The following SPATA9 variants were observed in gnomAD, a reference collection of about 807,000 sequenced individuals.
SPATA9 encodes the protein spermatogenesis-associated protein 9.
Under a neutral mutation model 25.5 loss-of-function variants are expected in SPATA9, and 27 were observed. The observed-to-expected ratio is 1.06, with a 90% confidence interval of 0.78 to 1.46. SPATA9 has a LOEUF of 1.46. Among genes scored for constraint, SPATA9 ranks in the 40% most tolerant of loss-of-function variants. The pLI is 0.00. For missense variants in SPATA9, 282 were observed against 297.5 expected (o/e 0.95, Z 0.38); for synonymous variants, 102 against 105.7 (o/e 0.97, Z 0.21).
the SPATA9 span, among the ~76,000 whole-genome samples, chr5:95,717,371 C>G: frequency 6.6e-6 from 1 of 152,160 alleles, no homozygotes; most frequent in Non-Finnish European, 1.5e-5. Flanking sequence ...CTCTCTGTCT[C>G]TCTCTCAATA....
chr5:95,702,060 C>A (rs139243397), upstream of SPATA9, among the ~76,000 whole-genome samples: 1 of 152,090 alleles, frequency 6.6e-6, no homozygotes, highest in Non-Finnish European at 1.5e-5. Flanking sequence ...TTTCATGATA[C>A]CAAAATTCTC....
chr5:95,653,296 T>C, intron 8 of SPATA9: 1 of 1,530,612 alleles, frequency 6.5e-7, no homozygotes, highest in East Asian at 2.5e-5. Context: ...GAGCCAACTG[T>C]GTACTCCAGG....
At chr5:95,683,443 T>C (rs1324557104), upstream of SPATA9, among the ~76,000 whole-genome samples, 1 of 152,210 alleles carries the variant, frequency 6.6e-6, no homozygotes, top group Non-Finnish European at 1.5e-5. Flanking sequence ...TACCCTCACA[T>C]GTCAGATGAC....
intron 4 of SPATA9, chr5:95,659,427 T>C (rs1270568503): frequency 6.5e-6 from 1 of 152,812 alleles, no homozygotes; most frequent in African/African-American, 2.4e-5. Flanking sequence ...CTCAGTACTT[T>C]AAGGAGAGGA....
chr5:95,712,814 T>C, the SPATA9 span, among the ~76,000 whole-genome samples: 2 of 152,216 alleles, frequency 1.3e-5, no homozygotes, highest in Non-Finnish European at 2.9e-5. Flanking sequence ...TTTAAGCCCC[T>C]AAACTTTAGG....
upstream of SPATA9, among the ~76,000 whole-genome samples, chr5:95,686,440 T>TA (rs530274577): frequency 3.9e-3 from 585 of 148,828 alleles, 3 homozygotes; most frequent in African/African-American, 0.013. Flanking sequence ...ACCTCCAAGT[T>TA]AAAAAAAAAA....
chr5:95,731,779 C>T, the SPATA9 span: 4 of 1,603,080 alleles, frequency 2.5e-6, no homozygotes, highest in African/African-American at 1.3e-5. Flanking sequence ...CGCGCGCTGT[C>T]CCCCGCACTT....
upstream of SPATA9, among the ~76,000 whole-genome samples, chr5:95,701,041 T>C (rs148670750): frequency 5.0e-3 from 766 of 152,334 alleles, 3 homozygotes; most frequent in African/African-American, 0.012. Flanking sequence ...GCCACAAAGA[T>C]TTTTAAAATA....
intron 2 of SPATA9, among the ~76,000 whole-genome samples, chr5:95,677,882 T>C (rs1388514279): frequency 6.6e-6 from 1 of 152,244 alleles, no homozygotes; most frequent in Non-Finnish European, 1.5e-5. Context: ...ATTTTTTAGA[T>C]ACCCAATTGT....
the SPATA9 span, among the ~76,000 whole-genome samples, chr5:95,727,365 T>G: frequency 6.6e-6 from 1 of 152,204 alleles, no homozygotes; most frequent in South Asian, 2.1e-4. Context: ...TCTCCAGCTG[T>G]TAAGGAACCA....
At chr5:95,658,956 G>A (rs1750991471) in intron 4 of SPATA9, 43 bp from the exon 5 acceptor site, 1 of 1,544,722 alleles carries the variant, frequency 6.5e-7, no homozygotes, top group Non-Finnish European at 8.7e-7. Flanking sequence ...TTCTTTTTAA[G>A]CTACTAACCA....
Position 95,679,908 on chromosome 5 carries a change from G to T in SPATA9, c.150+2620C>A, listed in dbSNP as rs572863559. ...ATATCAGTTAACTTTTTGTTTGTTT[G>T]TTTTTTTGAGACGGAATCTCGCTCT... On this transcript the variant is annotated intron_variant, in intron 2 of 4. Transcript: ENST00000274432. Among the ~76,000 whole-genome samples the T allele has an allele frequency of 3.0e-3, 463 of 152,230 alleles. 1 individual carries two copies. Among genetic ancestry groups the T allele is most frequent in the Non-Finnish European group, 2.1e-3 (144 of 68,010 alleles).
chr5:95,658,213 C>T (rs1035117076), downstream of SPATA9: 1 of 153,248 alleles, frequency 6.5e-6, no homozygotes, highest in Non-Finnish European at 1.5e-5. Context: ...TCAAACTCTC[C>T]AGTCTGCATA....
chr5:95,679,688 G>T (rs1021449276), intron 2 of SPATA9, among the ~76,000 whole-genome samples: 7 of 152,038 alleles, frequency 4.6e-5, no homozygotes, highest in African/African-American at 1.7e-4. Flanking sequence ...CAATATGACC[G>T]CCTCTTCCTA....
downstream of SPATA9, chr5:95,654,417 C>A (rs769320881): frequency 2.9e-5 from 35 of 1,196,086 alleles, no homozygotes; most frequent in Non-Finnish European, 3.6e-5. Context: ...TAAATATATT[C>A]AAAAATAATT....
chr5:95,682,809 T>C lies in SPATA9; in HGVS notation c.46A>G (p.Asn16Asp). 6.5e-7 allele frequency: 1 copy of C among 1,548,628 alleles called. No homozygotes were observed. Among genetic ancestry groups the C allele is most frequent in the Non-Finnish European group, 8.7e-7 (1 of 1,151,842 alleles). Residue 16 changes from asparagine (N) to aspartate (D), a missense_variant, in exon 1 of 5, where the codon AAC (asparagine) becomes GAC (aspartate). Asn to Asp is a conservative substitution (Grantham distance 23, BLOSUM62 1). Coordinates refer to ENST00000274432, the MANE Select transcript of SPATA9 (RefSeq NM_031952.4). ...VGWICGQVLK[N>D]FSGRIEGIQK... ...TTGTGTATACTTCTTCCAGAAAAGT[T>C]CTTCAACACCTGCCCACATATCCAC...
chr5:95,656,684 G>A (rs1307318414), downstream of SPATA9: 1 of 159,824 alleles, frequency 6.3e-6, no homozygotes, highest in Non-Finnish European at 1.4e-5. Flanking sequence ...CCTGTTTGAT[G>A]TAGCAGACTT....
the SPATA9 span, among the ~76,000 whole-genome samples, chr5:95,726,486 T>C: frequency 6.6e-6 from 1 of 152,264 alleles, no homozygotes; most frequent in Non-Finnish European, 1.5e-5. Flanking sequence ...CAGTTCAGAA[T>C]ATCATTGTCT....
At chr5:95,677,490 A>G (rs1418994530) in intron 2 of SPATA9, among the ~76,000 whole-genome samples, 1 of 152,234 alleles carries the variant, frequency 6.6e-6, no homozygotes, top group East Asian at 1.9e-4. Context: ...ACAACTCACC[A>G]AAGACAAAAA....
Sources: allele counts gnomAD v4.1 joint callset (sites outside exome capture counted in the v4.1 genomes callset), GRCh38; gene constraint gnomAD v4.1.1; transcripts MANE v1.5; gene names NCBI Gene and HGNC (gene_info 2026-07-23, HGNC 2026-07-21).